Variants in SLC10A7 observed in about 807,000 individuals in gnomAD.
The protein encoded by SLC10A7 is solute carrier family 10 member 7.
SLC10A7 carries 29 observed loss-of-function variants against 43.2 expected under a neutral mutation model. The observed-to-expected ratio is 0.67, with a 90% CI of 0.50 to 0.92. SLC10A7 has a LOEUF of 0.92. SLC10A7 is among the 40% of genes least tolerant of loss of function. SLC10A7 has a pLI of 0.00. For synonymous variants in SLC10A7, 152 were observed against 144.8 expected (o/e 1.05, Z -0.35); for missense variants, 295 against 403.2 (o/e 0.73, Z 2.30).
intron 4 of SLC10A7, among the ~76,000 whole-genome samples, chr4:146,490,418 A>G (rs1735291652): frequency 6.6e-6 from 1 of 152,096 alleles, no homozygotes; most frequent in Non-Finnish European, 1.5e-5. Context: ...ATTTTTTTGT[A>G]GAATACTCTA....
chr4:146,427,917 T>C (rs556153934), intron 5 of SLC10A7, among the ~76,000 whole-genome samples: 1 of 152,198 alleles, frequency 6.6e-6, no homozygotes, highest in South Asian at 2.1e-4. Flanking sequence ...ATACCTGTAA[T>C]CCTAGCACTT....
chr4:146,462,726 T>G (rs542549708), intron 4 of SLC10A7, among the ~76,000 whole-genome samples: 9 of 152,314 alleles, frequency 5.9e-5, no homozygotes, highest in African/African-American at 1.9e-4. Context: ...ATGCAATAGC[T>G]GTACCACCAC....
chr4:146,309,689 C>T (rs563576860), intron 6 of SLC10A7, among the ~76,000 whole-genome samples: 195 of 152,296 alleles, frequency 1.3e-3, no homozygotes, highest in Non-Finnish European at 2.4e-3. Flanking sequence ...CTGCAAAGCT[C>T]TACTTAGTTC....
At chr4:146,383,124 T>C (rs140140705) in intron 5 of SLC10A7, among the ~76,000 whole-genome samples, 2 of 152,312 alleles carry the variant, frequency 1.3e-5, no homozygotes, top group East Asian at 3.9e-4. Flanking sequence ...TATTGTTACC[T>C]TGACTTCTTT....
rs1054638643 is a variant in SLC10A7 at position 146,350,124 on chromosome 4, G to T, written c.436-24128C>A. ...TCTGCATTTCCATCTGAGGTACCGG[G>T]TTCATCTCACTAGGGAGTGCCAGAC... On this transcript the variant is annotated intron_variant, in intron 5 of 11. Coordinates refer to ENST00000335472, the MANE Select transcript of SLC10A7 (RefSeq NM_001029998.6). Among the ~76,000 whole-genome samples, 9 of 150,246 alleles carry T rather than the reference G, an allele frequency of 6.0e-5. No homozygotes were observed. The South Asian group carries it at 2.0e-3, about 33-fold the overall frequency.
At chr4:146,256,660 C>G in intron 11 of SLC10A7, 140 bp from the exon 12 acceptor site, 2 of 1,069,872 alleles carry the variant, frequency 1.9e-6, no homozygotes, top group Non-Finnish European at 2.8e-6. Flanking sequence ...TAATCCAAAC[C>G]TCTGGATACA....
At chr4:146,326,281 T>C (rs1253758095) in intron 5 of SLC10A7, among the ~76,000 whole-genome samples, 4 of 152,208 alleles carry the variant, frequency 2.6e-5, no homozygotes, top group Non-Finnish European at 4.4e-5. Flanking sequence ...ACGTGGATCA[T>C]ACAGATAGAA....
chr4:146,457,767 A>T (rs1732196355), intron 4 of SLC10A7, among the ~76,000 whole-genome samples: 1 of 151,986 alleles, frequency 6.6e-6, no homozygotes, highest in Non-Finnish European at 1.5e-5. Flanking sequence ...TGAAAGACAC[A>T]AACTACAAAA....
chr4:146,335,251 TAAAAAAAAAAAAAA>T (rs34522588), intron 5 of SLC10A7, among the ~76,000 whole-genome samples: 1 of 92,640 alleles, frequency 1.1e-5, no homozygotes, highest in African/African-American at 4.3e-5. Flanking sequence ...ACAGATGTTG[TAAAAAAAAAAAAAA>T]AAAAAAAAAA....
chr4:146,309,385 C>T (rs562996282), intron 6 of SLC10A7, among the ~76,000 whole-genome samples: 3 of 152,226 alleles, frequency 2.0e-5, no homozygotes, highest in East Asian at 3.9e-4. Context: ...AATGTTAGCA[C>T]ATCAGAAACA....
chr4:146,354,113 C>T (rs995347242), intron 5 of SLC10A7, among the ~76,000 whole-genome samples: 47 of 147,896 alleles, frequency 3.2e-4, no homozygotes, highest in African/African-American at 4.1e-4. Flanking sequence ...TGTTTGCAGA[C>T]GACATGATTG....
chr4:146,428,027 A>G (rs1345919002), intron 5 of SLC10A7, among the ~76,000 whole-genome samples: 1 of 152,002 alleles, frequency 6.6e-6, no homozygotes, highest in Middle Eastern at 3.2e-3. Context: ...AAAAAAAAAA[A>G]TTAGCTGGGC....
intron 4 of SLC10A7, among the ~76,000 whole-genome samples, chr4:146,471,132 G>A (rs993596746): frequency 9.2e-5 from 14 of 152,124 alleles, no homozygotes; most frequent in Non-Finnish European, 1.9e-4. Flanking sequence ...TATACTTACT[G>A]GTTGAGCATC....
At chr4:146,379,350 T>C (rs891405080) in intron 5 of SLC10A7, among the ~76,000 whole-genome samples, 6 of 152,192 alleles carry the variant, frequency 3.9e-5, no homozygotes, top group African/African-American at 7.2e-5. Context: ...AATTGATGAA[T>C]ACAACAGATT....
chr4:146,492,923 C>T (rs1272816046), intron 4 of SLC10A7, among the ~76,000 whole-genome samples: 1 of 151,968 alleles, frequency 6.6e-6, no homozygotes, highest in Non-Finnish European at 1.5e-5. Context: ...GAAAAGACTA[C>T]CCAAGATCAC....
intron 7 of SLC10A7, among the ~76,000 whole-genome samples, chr4:146,295,430 T>G (rs926144467): frequency 3.3e-5 from 5 of 152,192 alleles, no homozygotes; most frequent in African/African-American, 1.2e-4. Context: ...GGGTTTATTT[T>G]GGGAAGGTGG....
intron 4 of SLC10A7, among the ~76,000 whole-genome samples, chr4:146,477,570 G>C (rs946359446): frequency 3.3e-5 from 5 of 152,120 alleles, no homozygotes; most frequent in African/African-American, 1.2e-4. Flanking sequence ...AGTAATGCAA[G>C]ATTATATCAT....
chr4:146,445,282 T>A (rs1730945098), intron 4 of SLC10A7, among the ~76,000 whole-genome samples: 1 of 152,142 alleles, frequency 6.6e-6, no homozygotes, highest in Non-Finnish European at 1.5e-5. Context: ...CCTTGATCCC[T>A]TATGGGACTC....
intron 3 of SLC10A7, among the ~76,000 whole-genome samples, chr4:146,506,574 C>T (rs1034214557): frequency 6.6e-6 from 1 of 152,134 alleles, no homozygotes; most frequent in African/African-American, 2.4e-5. Context: ...TAATAGTAAC[C>T]TTAAAGTAAC....
Sources: allele counts gnomAD v4.1 joint callset (sites outside exome capture counted in the v4.1 genomes callset), GRCh38; gene constraint gnomAD v4.1.1; transcripts MANE v1.5; gene names NCBI Gene and HGNC (gene_info 2026-07-23, HGNC 2026-07-21).